The following SHCBP1 variants were observed in gnomAD, a reference collection of about 807,000 sequenced individuals.
SHCBP1 encodes the protein SHC SH2 domain-binding protein 1.
Under a neutral mutation model 75.1 loss-of-function variants are expected in SHCBP1, and 60 were observed. That is an observed-to-expected ratio of 0.80 (90% CI 0.65 to 0.99). The LOEUF (loss-of-function observed/expected upper bound fraction) is 0.99. SHCBP1 is among the 50% of genes least tolerant of loss of function. The probability of loss-of-function intolerance (pLI) is 0.00; values close to 1 mark genes in which losing one functional copy is unlikely to be tolerated. For missense variants in SHCBP1, 709 were observed against 809.4 expected (o/e 0.88, Z 1.50); for synonymous variants, 290 against 293.2 (o/e 0.99, Z 0.11).
At chr16:46,588,134 A>G (rs1026404160) in intron 10 of SHCBP1, among the ~76,000 whole-genome samples, 11 of 152,248 alleles carry the variant, frequency 7.2e-5, no homozygotes, top group Non-Finnish European at 2.9e-5. Flanking sequence ...GAACAAAGAC[A>G]CAACATACCA....
At chr16:46,610,618 G>C (rs117640593) in intron 4 of SHCBP1, among the ~76,000 whole-genome samples, 1,436 of 130,960 alleles carry the variant, frequency 0.011, 10 homozygotes, top group Non-Finnish European at 0.016. Flanking sequence ...TGCAGTAGTA[G>C]CATGACCTCG....
At chr16:46,593,170 A>T (rs1965078824) in intron 10 of SHCBP1, among the ~76,000 whole-genome samples, 1 of 151,932 alleles carries the variant, frequency 6.6e-6, no homozygotes, top group South Asian at 2.1e-4. Context: ...GAAAAAAAAG[A>T]ACCTGCACTT....
At chr16:46,595,401 G>A in intron 10 of SHCBP1, 151 bp downstream of exon 10, 1 of 687,422 alleles carries the variant, frequency 1.5e-6, no homozygotes, top group Non-Finnish European at 2.6e-6. Context: ...TGCTACATGA[G>A]AAGACCCTTG....
Position 46,580,726 on chromosome 16 carries a change from G to A in SHCBP1, c.*1003C>T, listed in dbSNP as rs1964856925. 6.6e-6 allele frequency: 1 copy of A among 151,796 alleles called. No homozygotes were observed. The highest frequency in any genetic ancestry group is 1.5e-5 in the Non-Finnish European group (1 of 67,982). 9.4% of individuals were successfully genotyped at this position (151,796 alleles called of 1,614,324 possible). On this transcript the variant is annotated 3_prime_UTR_variant, in exon 13 of 13. Coordinates refer to ENST00000303383, the MANE Select transcript of SHCBP1 (RefSeq NM_024745.5). ...GTGTCAGTAATATAATCAGAATACT[G>A]TAACGGTAAGAGAAAAATACTTTTT...
chr16:46,586,850 A>C (rs1390254216), intron 10 of SHCBP1, among the ~76,000 whole-genome samples: 1 of 152,198 alleles, frequency 6.6e-6, no homozygotes, highest in Non-Finnish European at 1.5e-5. Flanking sequence ...TAACCAGTGA[A>C]AATATTCTTC....
Position 46,604,606 on chromosome 16 carries a change from G to GTAA in SHCBP1, c.690-148_690-146dup, listed in dbSNP as rs200718997. 1,582 of 578,544 alleles carry GTAA rather than the reference G, an allele frequency of 2.7e-3. 21 individuals carry two copies. The highest frequency in any genetic ancestry group is 0.027 in the African/African-American group (1,428 of 52,940). 35.8% of individuals were successfully genotyped at this position (578,544 alleles called of 1,614,324 possible). On this transcript the variant is annotated intron_variant, in intron 5 of 12. Transcript: ENST00000303383. ...ATGTTAAGTCTTTCTGAATAGCACT[G>GTAA]TAATAATAATAATAATAAGTGGAAG...
chr16:46,614,824 T>C (rs959271152), intron 4 of SHCBP1, among the ~76,000 whole-genome samples: 2 of 152,238 alleles, frequency 1.3e-5, no homozygotes, highest in African/African-American at 4.8e-5. Context: ...TTTAAGTCAG[T>C]TTATAAATAT....
intron 5 of SHCBP1, among the ~76,000 whole-genome samples, chr16:46,606,500 C>T (rs753639292): frequency 1.3e-5 from 2 of 152,136 alleles, no homozygotes; most frequent in Non-Finnish European, 2.9e-5. Context: ...CATTGCTTGT[C>T]GTTAGCACAT....
At chr16:46,591,095 C>T (rs891371749) in intron 10 of SHCBP1, among the ~76,000 whole-genome samples, 3 of 152,130 alleles carry the variant, frequency 2.0e-5, no homozygotes, top group Non-Finnish European at 4.4e-5. Context: ...CATGTTGTCA[C>T]TCATAGGTGG....
Position 46,616,729 on chromosome 16 carries a change from A to G in SHCBP1, c.388-575T>C, listed in dbSNP as rs111498347. Among the ~76,000 whole-genome samples the G allele has an allele frequency of 2.0e-5, 3 of 152,156 alleles. No homozygotes were observed. The highest frequency in any genetic ancestry group is 4.8e-5 in the African/African-American group (2 of 41,424). ...CAACACTAAGCCCTTGGTAAAGACA[A>G]TATCTTAGGAGTTTTAAGCAGAGAA... On this transcript the variant is annotated intron_variant, in intron 3 of 12. Coordinates refer to ENST00000303383, the MANE Select transcript of SHCBP1 (RefSeq NM_024745.5). This position sits in a 1 kb window ranked among gnomAD's most constrained non-coding sequence, Gnocchi z 4.4.
Position 46,603,983 on chromosome 16 carries a change from C to T in SHCBP1, c.1084G>A (p.Glu362Lys). The change falls in exon 7 of 13, where the codon GAA (glutamate) becomes AAA (lysine). Residue 362 changes from glutamate to lysine, a missense_variant. Transcript: ENST00000303383. ...LCQEPGEEEREIQFHSDPLSA... is the reference protein window; with the variant it reads ...LCQEPGEEERKIQFHSDPLSA... ...AGAAACTCTCCGTTTACCTGAATTT[C>T]TCTTTCTTCCTCACCAGGCTCCTGG... is the stretch of plus-strand genomic sequence containing the variant. The T allele has an allele frequency of 6.2e-7, 1 of 1,604,524 alleles. No individual in the cohort carries two copies. Among genetic ancestry groups the T allele is most frequent in the Non-Finnish European group, 8.5e-7 (1 of 1,177,756 alleles).
chr16:46,587,682 C>T (rs1054156405), intron 10 of SHCBP1, among the ~76,000 whole-genome samples: 2 of 152,116 alleles, frequency 1.3e-5, no homozygotes, highest in African/African-American at 2.4e-5. Flanking sequence ...TAGAGACCTA[C>T]AAAGAGACTT....
chr16:46,588,347 C>T (rs1364554678), intron 10 of SHCBP1, among the ~76,000 whole-genome samples: 2 of 151,826 alleles, frequency 1.3e-5, no homozygotes, highest in East Asian at 3.9e-4. Flanking sequence ...AATAGAGACA[C>T]AAAAAACCCT....
At chr16:46,607,575 GA>G (rs921232899) in intron 5 of SHCBP1, among the ~76,000 whole-genome samples, 3 of 151,870 alleles carry the variant, frequency 2.0e-5, no homozygotes, top group Non-Finnish European at 4.4e-5. Flanking sequence ...CAAACGGGGG[GA>G]AAAAAATCAT....
At chr16:46,604,788 T>C (rs549611697) in intron 5 of SHCBP1, among the ~76,000 whole-genome samples, 1 of 152,316 alleles carries the variant, frequency 6.6e-6, no homozygotes, top group South Asian at 2.1e-4. Flanking sequence ...TATTTTCTTC[T>C]CATATATTAG....
At chr16:46,583,799 G>A (rs1195714988) in intron 11 of SHCBP1, 142 bp from the exon 12 acceptor site, 3 of 1,047,434 alleles carry the variant, frequency 2.9e-6, no homozygotes, top group Admixed American at 2.8e-5. Flanking sequence ...TGCACCCTTA[G>A]TGACACAGCT....
At chr16:46,595,481 G>T in intron 10 of SHCBP1, 71 bp downstream of exon 10, 2 of 1,170,026 alleles carry the variant, frequency 1.7e-6, no homozygotes, top group South Asian at 1.2e-5. Context: ...CATACATCTT[G>T]GTCCCATATT....
In SHCBP1 at chr16:46,608,253, C is replaced by T. The variant is rs1307420216; in HGVS notation, c.689+44G>A. The T allele has an allele frequency of 6.4e-6, 9 of 1,402,114 alleles. No homozygotes were observed. In the South Asian group the frequency reaches 8.2e-5, roughly 13 times the overall value. 86.9% of individuals were successfully genotyped at this position (1,402,114 alleles called of 1,614,324 possible). On this transcript the variant is annotated intron_variant, in intron 5 of 12. Transcript: ENST00000303383. ...ACAGGCAAAATTAAACCATGGGTAACTATTTTTCCAACATGTACAACAAGG... is the reference window on the plus strand; with the variant it reads ...ACAGGCAAAATTAAACCATGGGTAATTATTTTTCCAACATGTACAACAAGG...
intron 10 of SHCBP1, among the ~76,000 whole-genome samples, chr16:46,587,379 A>G (rs1964969574): frequency 6.6e-6 from 1 of 152,212 alleles, no homozygotes; most frequent in Non-Finnish European, 1.5e-5. Flanking sequence ...CAAGAAATGA[A>G]AAGCATAACA....
Sources: allele counts gnomAD v4.1 joint callset (sites outside exome capture counted in the v4.1 genomes callset), GRCh38; gene constraint gnomAD v4.1.1; non-coding constraint Gnocchi (gnomAD v3.1); transcripts MANE v1.5; gene names NCBI Gene and HGNC (gene_info 2026-07-23, HGNC 2026-07-21).